Variants in ELMOD2 observed in about 807,000 individuals in gnomAD.
ELMOD2 encodes the protein ELMO domain containing 2.
A neutral mutation model predicts 41.0 loss-of-function variants in ELMOD2; 28 were observed. The observed-to-expected ratio is 0.68, with a 90% confidence interval of 0.51 to 0.94. The LOEUF is 0.94. ELMOD2 is among the 40% of genes least tolerant of loss of function. The pLI is 0.00. For missense variants in ELMOD2, 333 were observed against 343.1 expected (o/e 0.97, Z 0.23); for synonymous variants, 106 against 107.2 (o/e 0.99, Z 0.07).
intron 8 of ELMOD2, among the ~76,000 whole-genome samples, chr4:140,546,824 A>G (rs1320053375): frequency 1.3e-5 from 2 of 152,090 alleles, no homozygotes; most frequent in East Asian, 1.9e-4. Context: ...GAAGGACATT[A>G]AAGTGTAATA....
At chr4:140,544,460 A>G (rs1247437025) in intron 8 of ELMOD2, among the ~76,000 whole-genome samples, 1 of 152,130 alleles carries the variant, frequency 6.6e-6, no homozygotes, top group African/African-American at 2.4e-5. Flanking sequence ...GGTTACTATA[A>G]TGGCCTTTAG....
At chr4:140,541,949 T>TTG (rs1578770400) in intron 6 of ELMOD2, among the ~76,000 whole-genome samples, 1 of 152,020 alleles carries the variant, frequency 6.6e-6, no homozygotes, top group African/African-American at 2.4e-5. Flanking sequence ...GAGCATCTAG[T>TTG]TGTGTGTGTG....
At position 140,524,253 on chromosome 4, in the gene ELMOD2, C is replaced by CT. The variant is rs945357258; in HGVS notation, c.-36dup. 9.8e-5 allele frequency: 15 copies of CT among 152,512 alleles called. No homozygotes were observed. Among genetic ancestry groups the CT allele is most frequent in the African/African-American group, 3.4e-4 (14 of 41,578 alleles). 9.4% of individuals were successfully genotyped at this position (152,512 alleles called of 1,614,324 possible). A position where few individuals can be genotyped will look rare whatever the true frequency, so the allele number is the denominator to read the frequency against. On this transcript the variant is annotated 5_prime_UTR_variant, in exon 1 of 9. Coordinates refer to ENST00000323570, the MANE Select transcript of ELMOD2 (RefSeq NM_153702.4). The stretch of plus-strand genomic sequence containing the variant: ...AGTGGGGAAACCGAGGCAGCTCCTG[C>CT]TCCCCCTAGTTCTTCCGCTCCTGTG...
intron 5 of ELMOD2, among the ~76,000 whole-genome samples, chr4:140,537,755 T>G: frequency 6.6e-6 from 1 of 150,532 alleles, no homozygotes; most frequent in East Asian, 1.9e-4. Flanking sequence ...ATTATAAATA[T>G]ATAATGAATA....
At chr4:140,526,323 C>T (rs928126193) in intron 2 of ELMOD2, among the ~76,000 whole-genome samples, 9 of 152,146 alleles carry the variant, frequency 5.9e-5, no homozygotes, top group African/African-American at 1.9e-4. Flanking sequence ...TGTTATATTT[C>T]TGTTGAACAG....
chr4:140,542,057 A>G (rs1735121334), intron 6 of ELMOD2, among the ~76,000 whole-genome samples: 1 of 151,982 alleles, frequency 6.6e-6, no homozygotes, highest in Non-Finnish European at 1.5e-5. Flanking sequence ...CATCTCTCTT[A>G]TACTGCTAAT....
chr4:140,548,323 T>C (rs182778472), intron 8 of ELMOD2, among the ~76,000 whole-genome samples: 64 of 152,278 alleles, frequency 4.2e-4, no homozygotes, highest in African/African-American at 1.5e-3. Flanking sequence ...TAATTAGACA[T>C]CCCTAACAGT....
intron 3 of ELMOD2, 151 bp downstream of exon 3, chr4:140,527,645 A>G (rs1247503679): frequency 3.3e-6 from 2 of 603,788 alleles, no homozygotes; most frequent in South Asian, 4.8e-5. Context: ...GTTTTCAAAC[A>G]TTTCTCTATA....
Position 140,544,153 on chromosome 4 carries a change from A to G in ELMOD2, c.736+567A>G, listed in dbSNP as rs556040050. 2.6e-5 allele frequency among the ~76,000 whole-genome samples: 4 copies of G among 152,314 alleles called. No individual in the cohort carries two copies. In the South Asian group the frequency reaches 6.2e-4, roughly 24 times the overall value. ...AGTCCATCTTCTGAAGCTATTGTTC[A>G]GAAGCAAAGAACTCAAATCTAGTTT... On this transcript the variant is annotated intron_variant, in intron 8 of 8. Coordinates refer to ENST00000323570, the MANE Select transcript of ELMOD2 (RefSeq NM_153702.4).
intron 6 of ELMOD2, among the ~76,000 whole-genome samples, chr4:140,540,669 C>T (rs1451816893): frequency 6.6e-6 from 1 of 151,548 alleles, no homozygotes; most frequent in Non-Finnish European, 1.5e-5. Context: ...ATTGCCTGAG[C>T]CCAGGAATTC....
At chr4:140,527,530 T>G (rs374690700) in intron 3 of ELMOD2, 36 bp downstream of exon 3, 124 of 1,531,402 alleles carry the variant, frequency 8.1e-5, no homozygotes, top group Admixed American at 4.1e-4. Flanking sequence ...CTAGAAAACT[T>G]AACGTGGACA....
intron 8 of ELMOD2, among the ~76,000 whole-genome samples, chr4:140,545,653 G>A (rs1405095086): frequency 6.6e-6 from 1 of 152,136 alleles, no homozygotes; most frequent in Non-Finnish European, 1.5e-5. Context: ...ATTTCTAGCA[G>A]GCGTGAGATG....
intron 2 of ELMOD2, 104 bp downstream of exon 2, chr4:140,525,674 T>A: frequency 2.4e-6 from 3 of 1,257,792 alleles, no homozygotes; most frequent in Non-Finnish European, 3.2e-6. Context: ...GACAAGTCAC[T>A]TAAACTGAAT....
chr4:140,549,061 C>CG (rs1442118637), intron 8 of ELMOD2, among the ~76,000 whole-genome samples: 4 of 152,014 alleles, frequency 2.6e-5, no homozygotes, highest in Non-Finnish European at 5.9e-5. Context: ...GCTCCTCCCC[C>CG]CACCATCCTA....
At chr4:140,533,861 A>G (rs1190584268) in intron 3 of ELMOD2, among the ~76,000 whole-genome samples, 1 of 152,084 alleles carries the variant, frequency 6.6e-6, no homozygotes, top group Non-Finnish European at 1.5e-5. Context: ...CACACTTGGA[A>G]AAGTGCTCAG....
chr4:140,527,440 T>C, intron 2 of ELMOD2, 26 bp from the exon 3 acceptor site: 5 of 1,508,582 alleles, frequency 3.3e-6, no homozygotes, highest in Non-Finnish European at 4.5e-6. Flanking sequence ...AGTGATAACA[T>C]CTTTTTTTTT....
rs1734607866 is a variant in ELMOD2, at chr4:140,527,507, A to G, written c.171+13A>G. ...CTCCAAGAATAAGGTAGGATAACAT[A>G]AAGGTGGTAACTCTAGAAAACTTAA... On this transcript the variant is annotated intron_variant, in intron 3 of 8. Coordinates refer to ENST00000323570, the MANE Select transcript of ELMOD2 (RefSeq NM_153702.4). 1.9e-6 allele frequency: 3 copies of G among 1,571,858 alleles called. No individual in the cohort carries two copies. Among genetic ancestry groups the G allele is most frequent in the African/African-American group, 1.4e-5 (1 of 71,704 alleles).
At chr4:140,531,594 T>C (rs963732527) in intron 3 of ELMOD2, among the ~76,000 whole-genome samples, 7 of 152,250 alleles carry the variant, frequency 4.6e-5, no homozygotes, top group African/African-American at 1.7e-4. Context: ...AATAATAATG[T>C]AGCTGTTAAA....
At chr4:140,542,542 ATTTG>A (rs1348749980) in intron 6 of ELMOD2, 28 bp from the exon 7 acceptor site, 2 of 1,508,808 alleles carry the variant, frequency 1.3e-6, no homozygotes, top group East Asian at 2.3e-5. Flanking sequence ...AATGGCGTAC[ATTTG>A]TTTGATTATT....
Sources: allele counts gnomAD v4.1 joint callset (sites outside exome capture counted in the v4.1 genomes callset), GRCh38; gene constraint gnomAD v4.1.1; transcripts MANE v1.5; gene names NCBI Gene and HGNC (gene_info 2026-07-23, HGNC 2026-07-21).